The following ADAMTS15 variants were observed in gnomAD, a reference collection of about 807,000 sequenced individuals.
ADAMTS15 encodes the protein ADAM metallopeptidase with thrombospondin type 1 motif 15, also known as A disintegrin and metalloproteinase with thrombospondin motifs 15.
A neutral mutation model predicts 79.1 loss-of-function variants in ADAMTS15; 35 were observed. The ratio of observed to expected loss-of-function variants is 0.44; its 90% CI spans 0.34 to 0.59. ADAMTS15 has a LOEUF of 0.59. Among genes scored for constraint, ADAMTS15 ranks in the 20% least tolerant of loss-of-function variants. The pLI is 0.02. For missense variants in ADAMTS15, 1,324 were observed against 1,318.7 expected (o/e 1.00, Z -0.06); for synonymous variants, 616 against 567.3 (o/e 1.09, Z -1.22).
Position 130,473,955 on chromosome 11 carries a change from A to G in ADAMTS15, c.*134A>G. 7.8e-7 allele frequency: 1 copy of G among 1,279,844 alleles called. No homozygotes were observed. The allele number at this position is 1,279,844 out of a possible 1,614,324, so 79.3% of individuals were successfully genotyped here. A position where few individuals can be genotyped will look rare whatever the true frequency, so the allele number is the denominator to read the frequency against. On this transcript the variant is annotated 3_prime_UTR_variant, in exon 8 of 8. Coordinates refer to ENST00000299164, the MANE Select transcript of ADAMTS15 (RefSeq NM_139055.4). The stretch of plus-strand genomic sequence containing the variant: ...TCACCCACATCCGGGGACAAGGACC[A>G]TGGGCTGGGGCGAGAGGTTCCCTCC...
chr11:130,461,542 C>T lies in ADAMTS15; in HGVS notation c.1011C>T (p.Thr337=), dbSNP rs1275070980. The part of the protein sequence containing the change: ...CDTLGMADVG[T]MCDPKRSCSV... ...CCCTGGGCATGGCTGATGTGGGTAC[C>T]ATGTGTGACCCCAAGAGAAGCTGCT... Residue 337 remains threonine (T), a synonymous_variant, in exon 2 of 8, where the codon ACC becomes ACT. Coordinates refer to ENST00000299164, the MANE Select transcript of ADAMTS15 (RefSeq NM_139055.4). 6.2e-7 allele frequency: 1 copy of T among 1,614,162 alleles called. No homozygotes were observed. The highest frequency in any genetic ancestry group is 1.3e-5 in the African/African-American group (1 of 75,038).
chr11:130,459,771 G>A (rs1287026387), intron 1 of ADAMTS15, among the ~76,000 whole-genome samples: 1 of 152,216 alleles, frequency 6.6e-6, no homozygotes, highest in Non-Finnish European at 1.5e-5. Flanking sequence ...AAGTTTGACT[G>A]CTCAGGTGGT....
rs1334812935 is a variant in ADAMTS15 at position 130,449,472 on chromosome 11, T to C, written c.499T>C (p.Ser167Pro). 1 of 1,566,736 alleles carries C rather than the reference T, an allele frequency of 6.4e-7. No individual in the cohort carries two copies. Among genetic ancestry groups the C allele is most frequent in the Non-Finnish European group, 8.6e-7 (1 of 1,159,906 alleles). Residue 167 changes from serine (S) to proline (P), a missense_variant, in exon 1 of 8, where the codon TCC (serine) becomes CCC (proline). Coordinates refer to ENST00000299164, the MANE Select transcript of ADAMTS15 (RefSeq NM_139055.4). The surrounding 1 kb of genome is among the most constrained non-coding windows in gnomAD (Gnocchi z 7.8). ...GCGCCGGGGTGTTCCGGGCGGGCCT[T>C]CCGGAGACCCCACCTCTCGCTGCGG... ...LQRRGVPGGP[S>P]GDPTSRCGVA...
intron 1 of ADAMTS15, among the ~76,000 whole-genome samples, chr11:130,461,066 C>T (rs547194487): frequency 3.3e-5 from 5 of 152,326 alleles, no homozygotes; most frequent in East Asian, 1.9e-4. Context: ...CGAGGCTGCT[C>T]GAAGCTGCCT....
intron 7 of ADAMTS15, among the ~76,000 whole-genome samples, 199 bp downstream of exon 7, chr11:130,471,582 C>G (rs1938461586): frequency 1.3e-5 from 2 of 152,086 alleles, no homozygotes; most frequent in Admixed American, 1.3e-4. Flanking sequence ...TTCATTCATT[C>G]TTTCAGCAAG....
intron 1 of ADAMTS15, among the ~76,000 whole-genome samples, chr11:130,456,989 T>C (rs1289840980): frequency 1.3e-5 from 2 of 152,080 alleles, no homozygotes; most frequent in Non-Finnish European, 2.9e-5. Context: ...TCCCAGCACT[T>C]TGGGAGGCTG....
At chr11:130,471,533 C>T (rs988907398) in intron 7 of ADAMTS15, 150 bp downstream of exon 7, 24 of 766,950 alleles carry the variant, frequency 3.1e-5, no homozygotes, top group Non-Finnish European at 4.7e-5. Context: ...TCTAGGGCTG[C>T]TAGTCCTTCA....
rs556132877 is a variant in ADAMTS15, at chr11:130,455,766, G to A, written c.958-5723G>A. Among the ~76,000 whole-genome samples, 27 of 152,336 alleles carry A rather than the reference G, an allele frequency of 1.8e-4. No individual in the cohort carries two copies. The South Asian group carries it at 2.1e-3, about 12-fold the overall frequency. On this transcript the variant is annotated intron_variant, in intron 1 of 7. Coordinates refer to ENST00000299164, the MANE Select transcript of ADAMTS15 (RefSeq NM_139055.4). ...GCAGACAAGGTGCATGGCAGGGCAG[G>A]GACGGGGTCAGTGTGTCAATGCAGG...
Position 130,473,192 on chromosome 11 carries a change from G to C in ADAMTS15, c.2224G>C (p.Val742Leu), listed in dbSNP as rs749639106. The change falls in exon 8 of 8, where the codon GTG (valine) becomes CTG (leucine). Residue 742 changes from valine to leucine, a missense_variant. Coordinates refer to ENST00000299164, the MANE Select transcript of ADAMTS15 (RefSeq NM_139055.4). ...CAAGTACCTGCTCAACGGGCATTTC[G>C]TGGTGTCGGCGGTGGAGCGGGACCT... ...QGKYLLNGHF[V>L]VSAVERDLVV... The C allele has an allele frequency of 1.2e-6, 2 of 1,614,114 alleles. No homozygotes were observed. Among genetic ancestry groups the C allele is most frequent in the Non-Finnish European group, 1.7e-6 (2 of 1,180,050 alleles).
rs1379898782 is a variant in ADAMTS15 at position 130,469,133 on chromosome 11, A to T, written c.1543-129A>T. On this transcript the variant is annotated intron_variant, in intron 4 of 7. Coordinates refer to ENST00000299164, the MANE Select transcript of ADAMTS15 (RefSeq NM_139055.4). ...TGTTTATTGTTTTTTCCTTCATGAT[A>T]CAACATTAATTTCATTCCAGGAAGG... 2.5e-5 allele frequency: 23 copies of T among 928,472 alleles called. No individual in the cohort carries two copies. The East Asian group carries it at 6.2e-4, about 25-fold the overall frequency. 57.5% of individuals were successfully genotyped at this position (928,472 alleles called of 1,614,324 possible).
intron 4 of ADAMTS15, among the ~76,000 whole-genome samples, 181 bp from the exon 5 acceptor site, chr11:130,469,081 G>T (rs1363828605): frequency 6.6e-6 from 1 of 152,050 alleles, no homozygotes; most frequent in African/African-American, 2.4e-5. Context: ...TTGGAATGTC[G>T]GGTGGGCTTG....
Position 130,472,965 on chromosome 11 carries a change from T to C in ADAMTS15, c.2079-82T>C. 1 of 1,543,610 alleles carries C rather than the reference T, an allele frequency of 6.5e-7. No homozygotes were observed. Among genetic ancestry groups the C allele is most frequent in the Non-Finnish European group, 8.8e-7 (1 of 1,142,794 alleles). On this transcript the variant is annotated intron_variant, in intron 7 of 7. Coordinates refer to ENST00000299164, the MANE Select transcript of ADAMTS15 (RefSeq NM_139055.4). This position sits in a 1 kb window ranked among gnomAD's most constrained non-coding sequence, Gnocchi z 4.7. Reference sequence around the variant, plus strand: ...GCCAGAATTCACCGAAAGCTAGGTTTACTGAGGAAAACAGATCCTGGAGCA... The same window carrying C: ...GCCAGAATTCACCGAAAGCTAGGTTCACTGAGGAAAACAGATCCTGGAGCA...
Position 130,473,687 on chromosome 11 carries a change from A to C in ADAMTS15, c.2719A>C (p.Lys907Gln). ...GCTCAGCGCCTGGTCACCCTGCTCC[A>C]AGAGCTGCGGCCGGGGATTTCAGAG... ...WELSAWSPCSKSCGRGFQRRS... is the reference protein window; with the variant it reads ...WELSAWSPCSQSCGRGFQRRS... The change falls in exon 8 of 8, where the codon AAG becomes CAG. Residue 907 changes from lysine (K) to glutamine (Q), a missense_variant. Transcript: ENST00000299164. 1 of 1,603,258 alleles carries C rather than the reference A, an allele frequency of 6.2e-7. No homozygotes were observed. Among genetic ancestry groups the C allele is most frequent in the South Asian group, 1.1e-5 (1 of 91,084 alleles).
chr11:130,453,164 G>A (rs746692525), intron 1 of ADAMTS15, among the ~76,000 whole-genome samples: 10 of 152,118 alleles, frequency 6.6e-5, no homozygotes, highest in Non-Finnish European at 1.3e-4. Context: ...GAGCAGGAAG[G>A]GCACTGGCTG....
chr11:130,459,029 T>TG (rs1938146221), intron 1 of ADAMTS15, among the ~76,000 whole-genome samples: 2 of 135,400 alleles, frequency 1.5e-5, no homozygotes, highest in African/African-American at 5.7e-5. Flanking sequence ...CCAAGTGTTT[T>TG]TTTTTTTTTT....
intron 4 of ADAMTS15, among the ~76,000 whole-genome samples, chr11:130,467,643 C>T (rs985887885): frequency 3.3e-5 from 5 of 152,024 alleles, no homozygotes; most frequent in African/African-American, 9.7e-5. Context: ...GTACAGCAGC[C>T]GGGCTGCTTC....
At position 130,462,486 on chromosome 11, in the gene ADAMTS15, G is replaced by A; in HGVS notation, c.1259-11G>A. On this transcript the variant is annotated splice_polypyrimidine_tract_variant and intron_variant, in intron 3 of 7. Transcript: ENST00000299164. The surrounding 1 kb of genome is among the most constrained non-coding windows in gnomAD (Gnocchi z 4.3). ...CAGCTCATCCTAACGAACGCCCTCG[G>A]CTCTCTGCAGGTGACTGCCTCCTGG... The A allele has an allele frequency of 1.3e-6, 2 of 1,575,802 alleles. No homozygotes were observed. Among genetic ancestry groups the A allele is most frequent in the African/African-American group, 1.3e-5 (1 of 74,454 alleles).
chr11:130,470,182 G>GTATATATATA (rs1407250375), intron 5 of ADAMTS15, among the ~76,000 whole-genome samples: 1 of 72,744 alleles, frequency 1.4e-5, no homozygotes, highest in African/African-American at 7.6e-5. Flanking sequence ...ATATATATAT[G>GTATATATATA]TGTGTATATA....
Position 130,449,370 on chromosome 11 carries a change from G to C in ADAMTS15, c.397G>C (p.Glu133Gln), listed in dbSNP as rs185269810. Residue 133 changes from glutamate (E) to glutamine (Q), a missense_variant, in exon 1 of 8, where the codon GAG (glutamate) becomes CAG (glutamine). By Grantham distance (29) the Glu-to-Gln change is conservative. Transcript: ENST00000299164. The surrounding 1 kb of genome is among the most constrained non-coding windows in gnomAD (Gnocchi z 7.8). ...LRGAFGYRGAEYVISPLPNAS... is the reference protein window; with the variant it reads ...LRGAFGYRGAQYVISPLPNAS... The stretch of plus-strand genomic sequence containing the variant: ...CGGAGCCTTTGGCTACCGAGGCGCC[G>C]AGTATGTCATTAGCCCGCTGCCCAA... The C allele has an allele frequency of 1.1e-3, 1,694 of 1,605,250 alleles. 29 individuals carry two copies. In the East Asian group the frequency reaches 0.034, roughly 32 times the overall value.
Sources: allele counts gnomAD v4.1 joint callset (sites outside exome capture counted in the v4.1 genomes callset), GRCh38; gene constraint gnomAD v4.1.1; non-coding constraint Gnocchi (gnomAD v3.1); transcripts MANE v1.5; gene names NCBI Gene and HGNC (gene_info 2026-07-23, HGNC 2026-07-21).